GDPD5: variants seen among roughly 807,000 people sequenced by gnomAD.
The protein encoded by GDPD5 is glycerophosphodiester phosphodiesterase domain containing 5, also known as glycerophosphodiester phosphodiesterase 2.
GDPD5 carries 48 observed loss-of-function variants against 75.1 expected under a neutral mutation model. The ratio of observed to expected loss-of-function variants is 0.64; its 90% CI spans 0.51 to 0.81. GDPD5 has a LOEUF of 0.81. GDPD5 is among the 40% of genes least tolerant of loss of function. The pLI, the probability that GDPD5 is intolerant of heterozygous loss-of-function variation, is 0.00. For missense variants in GDPD5, 706 were observed against 822.6 expected (o/e 0.86, Z 1.73); for synonymous variants, 336 against 339.0 (o/e 0.99, Z 0.10).
intron 1 of GDPD5, among the ~76,000 whole-genome samples, chr11:75,499,143 G>T (rs937532309): frequency 1.3e-5 from 2 of 152,028 alleles, no homozygotes; most frequent in African/African-American, 4.8e-5. Flanking sequence ...TGCCATCAAT[G>T]CTTCCATTTC....
intron 13 of GDPD5, 66 bp from the exon 14 acceptor site, chr11:75,441,376 T>G: frequency 6.3e-7 from 1 of 1,589,426 alleles, no homozygotes; most frequent in Non-Finnish European, 8.6e-7. Flanking sequence ...GTGTCGGGGC[T>G]GGTAAAGCAC....
chr11:75,463,752 T>A (rs1949463111), intron 3 of GDPD5, among the ~76,000 whole-genome samples: 1 of 152,132 alleles, frequency 6.6e-6, no homozygotes, highest in African/African-American at 2.4e-5. Flanking sequence ...CCATCCCAGT[T>A]TAACCTCTTC....
chr11:75,438,842 T>G (rs570617149), intron 15 of GDPD5: 135 of 164,920 alleles, frequency 8.2e-4, no homozygotes, highest in Admixed American at 1.2e-3. Flanking sequence ...AGAGATAGAA[T>G]GTAAAGAAGA....
chr11:75,514,915 C>G (rs1239178034), intron 1 of GDPD5, among the ~76,000 whole-genome samples: 3 of 152,226 alleles, frequency 2.0e-5, no homozygotes, highest in Admixed American at 6.5e-5. Context: ...TTCAAACCAG[C>G]CTGGAAGGTA....
chr11:75,445,459 T>C (rs1407707509), intron 9 of GDPD5, among the ~76,000 whole-genome samples: 1 of 152,154 alleles, frequency 6.6e-6, no homozygotes, highest in South Asian at 2.1e-4. Context: ...CAAGCCTCCC[T>C]AGTTGGGTCT....
intron 4 of GDPD5, among the ~76,000 whole-genome samples, 183 bp from the exon 5 acceptor site, chr11:75,457,969 G>A (rs776409646): frequency 3.3e-5 from 5 of 152,188 alleles, no homozygotes; most frequent in South Asian, 2.1e-4. Context: ...GCAGCCACCC[G>A]GGGACCAAGA....
At position 75,444,418 on chromosome 11, in the gene GDPD5, G is replaced by A; in HGVS notation, c.792C>T (p.Thr264=). The A allele has an allele frequency of 6.2e-7, 1 of 1,611,746 alleles. No homozygotes were observed. Among genetic ancestry groups the A allele is most frequent in the Non-Finnish European group, 8.5e-7 (1 of 1,178,062 alleles). Reference sequence around the variant, plus strand: ...CTCCCCTCCGCTACACCTACCTGATGGTAATGTCAGCCTGGAGCCCGTACA... The same window carrying A: ...CTCCCCTCCGCTACACCTACCTGATAGTAATGTCAGCCTGGAGCCCGTACA... ...QKLYGLQADI[T]ISLDGVPFLM... is the part of the protein sequence containing the mutation. The change falls in exon 10 of 17, where the codon ACC becomes ACT. Residue 264 remains threonine, a synonymous_variant. Coordinates refer to ENST00000336898, the MANE Select transcript of GDPD5 (RefSeq NM_030792.8).
At chr11:75,480,513 A>G (rs942354820) in intron 2 of GDPD5, among the ~76,000 whole-genome samples, 2 of 152,150 alleles carry the variant, frequency 1.3e-5, no homozygotes, top group African/African-American at 4.8e-5. Flanking sequence ...CCTGGATCAT[A>G]TGGTAACTTT....
At position 75,463,295 on chromosome 11, in the gene GDPD5, G is replaced by A. The variant is rs552051521; in HGVS notation, c.118-406C>T. On this transcript the variant is annotated intron_variant, in intron 3 of 16. Transcript: ENST00000336898. ...CACTCTTCTTCTCCACCTCTACCCC[G>A]TGCTACCGAGAAAAACACTGAGGCC... Among the ~76,000 whole-genome samples the A allele has an allele frequency of 5.3e-5, 8 of 152,238 alleles. No homozygotes were observed. The East Asian group carries it at 7.7e-4, about 15-fold the overall frequency.
At position 75,478,054 on chromosome 11, in the gene GDPD5, C is replaced by A. The variant is rs1262941669; in HGVS notation, c.-60-259G>T. On this transcript the variant is annotated intron_variant, in intron 2 of 16. Coordinates refer to ENST00000336898, the MANE Select transcript of GDPD5 (RefSeq NM_030792.8). ...TCTTCCATGTTCTTCACTGGCCTAG[C>A]ATGCTGCTGTTCCCTCTGCCTGGAA... Among the ~76,000 whole-genome samples, 3 of 152,236 alleles carry A rather than the reference C, an allele frequency of 2.0e-5. No homozygotes were observed. The East Asian group carries it at 5.8e-4, about 29-fold the overall frequency.
chr11:75,482,259 C>A (rs1347278121), intron 2 of GDPD5, among the ~76,000 whole-genome samples: 1 of 152,178 alleles, frequency 6.6e-6, no homozygotes, highest in Non-Finnish European at 1.5e-5. Context: ...AGTCTCCTCT[C>A]CCCCTGGTGC....
At position 75,525,932 on chromosome 11, in the gene GDPD5, G is replaced by A. The variant is rs1311860370; in HGVS notation, c.-867C>T. ...CCCACCCCCACCGGAGCCGCAGCCC[G>A]AGCTCAGCCGAAACAGCGCCGCCCA... On this transcript the variant is annotated 5_prime_UTR_variant, in exon 1 of 17. Coordinates refer to ENST00000336898, the MANE Select transcript of GDPD5 (RefSeq NM_030792.8). 1.6e-5 allele frequency: 2 copies of A among 123,516 alleles called. No individual in the cohort carries two copies. The highest frequency in any genetic ancestry group is 3.3e-5 in the Non-Finnish European group (2 of 61,282). 7.7% of individuals were successfully genotyped at this position (123,516 alleles called of 1,614,324 possible). A position where few individuals can be genotyped will look rare whatever the true frequency, so the allele number is the denominator to read the frequency against.
intron 1 of GDPD5, among the ~76,000 whole-genome samples, chr11:75,511,186 C>A (rs183378554): frequency 9.3e-4 from 142 of 152,336 alleles, no homozygotes; most frequent in Middle Eastern, 6.8e-3. Flanking sequence ...GAAGTTCCAC[C>A]ATTATCACTG....
At chr11:75,503,466 T>A (rs1431208340) in intron 1 of GDPD5, among the ~76,000 whole-genome samples, 1 of 152,246 alleles carries the variant, frequency 6.6e-6, no homozygotes, top group Non-Finnish European at 1.5e-5. Flanking sequence ...TTGTTCAAGG[T>A]CATAGAGGTA....
intron 1 of GDPD5, among the ~76,000 whole-genome samples, chr11:75,497,659 C>G (rs1200269973): frequency 6.6e-6 from 1 of 152,186 alleles, no homozygotes; most frequent in Non-Finnish European, 1.5e-5. Context: ...AATAGGTACT[C>G]AATACATGGG....
At position 75,503,190 on chromosome 11, in the gene GDPD5, T is replaced by G. The variant is rs577870275; in HGVS notation, c.-144-12870A>C. On this transcript the variant is annotated intron_variant, in intron 1 of 16. Coordinates refer to ENST00000336898, the MANE Select transcript of GDPD5 (RefSeq NM_030792.8). ...GTGCACCACCATGCCCAGCTAATTT[T>G]TGTATTTTTAATAGAGATGGGGGTT... 2.0e-5 allele frequency among the ~76,000 whole-genome samples: 3 copies of G among 152,312 alleles called. No individual in the cohort carries two copies. The South Asian group carries it at 6.2e-4, about 32-fold the overall frequency.
intron 7 of GDPD5, 84 bp from the exon 8 acceptor site, chr11:75,449,694 G>A (rs1035089817): frequency 4.2e-6 from 6 of 1,429,480 alleles, no homozygotes; most frequent in South Asian, 1.2e-5. Flanking sequence ...TTCTACCTAT[G>A]AGGCAGGCAA....
In GDPD5 at chr11:75,509,259, G is replaced by A. The variant is rs572178266; in HGVS notation, c.-145+15951C>T. 2.0e-5 allele frequency among the ~76,000 whole-genome samples: 3 copies of A among 152,270 alleles called. No individual in the cohort carries two copies. In the South Asian group the frequency reaches 6.2e-4, roughly 32 times the overall value. On this transcript the variant is annotated intron_variant, in intron 1 of 16. Transcript: ENST00000336898. ...CCTGGGTTGCAGCCAGGGAAGGGGC[G>A]GTATCTGGTCCCTGGGCCCAGCAGA... is the stretch of plus-strand genomic sequence containing the variant.
At chr11:75,470,773 T>C (rs1949643985) in intron 3 of GDPD5, among the ~76,000 whole-genome samples, 2 of 152,272 alleles carry the variant, frequency 1.3e-5, no homozygotes, top group African/African-American at 4.8e-5. Context: ...AATTTTACTT[T>C]CACCAAATGG....
Sources: gnomAD v4.1 joint callset for allele counts (sites outside exome capture counted in the v4.1 genomes callset) on GRCh38, gnomAD v4.1.1 for gene constraint, MANE v1.5 for transcripts, NCBI Gene and HGNC (gene_info 2026-07-23, HGNC 2026-07-21) for gene names.